Variants in TMEM135 observed in about 807,000 individuals in gnomAD.
The protein encoded by TMEM135 is transmembrane protein 135.
TMEM135 carries 30 observed loss-of-function variants against 60.3 expected under a neutral mutation model. The observed-to-expected ratio is 0.50, with a 90% CI of 0.37 to 0.68. TMEM135 has a LOEUF of 0.68. Ranked by LOEUF, TMEM135 falls within the 30% of genes least tolerant of loss-of-function variation. TMEM135 has a pLI of 0.00. For synonymous variants in TMEM135, 190 were observed against 186.7 expected (o/e 1.02, Z -0.14); for missense variants, 468 against 548.8 (o/e 0.85, Z 1.47).
intron 4 of TMEM135, among the ~76,000 whole-genome samples, chr11:87,097,773 G>A (rs1018665242): frequency 3.3e-5 from 5 of 152,098 alleles, no homozygotes; most frequent in Admixed American, 2.0e-4. Flanking sequence ...AGCTCTTATC[G>A]CTAGATATCT....
chr11:87,316,893 T>A (rs905266533), intron 12 of TMEM135, among the ~76,000 whole-genome samples: 2 of 151,642 alleles, frequency 1.3e-5, no homozygotes, highest in South Asian at 2.1e-4. Context: ...TTTTTTTTTT[T>A]AAATAGGATA....
chr11:87,079,042 CTCACACTCACTGGA>C, intron 3 of TMEM135, among the ~76,000 whole-genome samples: 1 of 151,794 alleles, frequency 6.6e-6, no homozygotes, highest in Admixed American at 6.6e-5. Context: ...CTTGCTCTGT[CTCACACTCACTGGA>C]GTGCAGTGGC....
chr11:87,116,669 T>C (rs1857892237), intron 4 of TMEM135, among the ~76,000 whole-genome samples: 1 of 151,774 alleles, frequency 6.6e-6, no homozygotes, highest in African/African-American at 2.4e-5. Flanking sequence ...ACATATAGTA[T>C]AGGCATACCT....
At chr11:87,105,512 G>C (rs1302819476) in intron 4 of TMEM135, among the ~76,000 whole-genome samples, 1 of 152,092 alleles carries the variant, frequency 6.6e-6, no homozygotes, top group Non-Finnish European at 1.5e-5. Context: ...AAAAGTTGGG[G>C]ACCGCTGGCC....
At chr11:87,053,900 A>G (rs1949866853) in intron 1 of TMEM135, among the ~76,000 whole-genome samples, 1 of 152,034 alleles carries the variant, frequency 6.6e-6, no homozygotes, top group South Asian at 2.1e-4. Flanking sequence ...TGTGATTGAG[A>G]TTTGTGTATT....
At chr11:87,120,116 C>CTTTT (rs57519689) in intron 4 of TMEM135, among the ~76,000 whole-genome samples, 1 of 112,840 alleles carries the variant, frequency 8.9e-6, no homozygotes, top group African/African-American at 3.3e-5. Flanking sequence ...TCTTCTTCTT[C>CTTTT]TTTTTTTTTT....
chr11:87,166,391 C>T lies in TMEM135; in HGVS notation c.462+8985C>T, dbSNP rs534920408. Reference sequence around the variant, plus strand: ...TGAAGTCTTTGCCCATGGCTATGTCCTGAATGGTATTGCTTAGGTTTTCTT... The same window carrying T: ...TGAAGTCTTTGCCCATGGCTATGTCTTGAATGGTATTGCTTAGGTTTTCTT... On this transcript the variant is annotated intron_variant, in intron 5 of 14. Coordinates refer to ENST00000305494, the MANE Select transcript of TMEM135 (RefSeq NM_022918.4). Among the ~76,000 whole-genome samples, 5 of 151,768 alleles carry T rather than the reference C, an allele frequency of 3.3e-5. 1 individual carries two copies. The highest frequency in any genetic ancestry group is 1.2e-4 in the African/African-American group (5 of 41,148).
rs191198246 is a variant in TMEM135, at chr11:87,238,667, A to G, written c.509+1983A>G. 3.4e-3 allele frequency among the ~76,000 whole-genome samples: 516 copies of G among 152,208 alleles called. 2 individuals carry two copies. The highest frequency in any genetic ancestry group is 5.4e-3 in the Admixed American group (83 of 15,270). The stretch of plus-strand genomic sequence containing the variant: ...GAACAATGACTCATTGATTTCTAAA[A>G]ACTTCTTAATTGTATTCAGACACAT... On this transcript the variant is annotated intron_variant, in intron 6 of 14. Transcript: ENST00000305494.
At chr11:87,038,285 T>G in intron 1 of TMEM135, 99 bp downstream of exon 1, 1 of 1,274,070 alleles carries the variant, frequency 7.8e-7, no homozygotes, top group East Asian at 4.3e-5. Flanking sequence ...ACTTGCCTTG[T>G]GTCGGGCTCT....
At chr11:87,116,909 G>A (rs544187433) in intron 4 of TMEM135, among the ~76,000 whole-genome samples, 4 of 151,326 alleles carry the variant, frequency 2.6e-5, no homozygotes, top group South Asian at 4.2e-4. Context: ...TGCAACCTCC[G>A]CCTTTTGGGT....
intron 4 of TMEM135, among the ~76,000 whole-genome samples, chr11:87,145,908 C>A (rs1938401605): frequency 6.6e-6 from 1 of 152,142 alleles, no homozygotes; most frequent in East Asian, 1.9e-4. Context: ...GTTTTCTTTG[C>A]TATGCAGAAG....
rs990012626 is a variant in TMEM135, at chr11:87,134,593, C to T, written c.397-22748C>T. Among the ~76,000 whole-genome samples the T allele has an allele frequency of 3.0e-4, 45 of 152,294 alleles. 1 individual carries two copies. Among genetic ancestry groups the T allele is most frequent in the African/African-American group, 9.6e-4 (40 of 41,568 alleles). Reference sequence around the variant, plus strand: ...AACTCCTGGGCTCAGATGATCCTTTCACCTCAGACTCCTGAGTAGCTGGGA... The same window carrying T: ...AACTCCTGGGCTCAGATGATCCTTTTACCTCAGACTCCTGAGTAGCTGGGA... On this transcript the variant is annotated intron_variant, in intron 4 of 14. Transcript: ENST00000305494.
At chr11:87,188,499 C>T (rs1160109576) in intron 5 of TMEM135, among the ~76,000 whole-genome samples, 3 of 148,724 alleles carry the variant, frequency 2.0e-5, no homozygotes, top group Admixed American at 6.8e-5. Flanking sequence ...GTTAGGAGTT[C>T]GAGACCAGCC....
At chr11:87,151,683 G>T (rs1402287633) in intron 4 of TMEM135, among the ~76,000 whole-genome samples, 1 of 148,994 alleles carries the variant, frequency 6.7e-6, no homozygotes, top group Non-Finnish European at 1.5e-5. Flanking sequence ...CATCTTGTGG[G>T]TCTTTTTTCT....
chr11:87,071,772 A>C (rs966744238), intron 3 of TMEM135, among the ~76,000 whole-genome samples, 157 bp downstream of exon 3: 1 of 151,834 alleles, frequency 6.6e-6, no homozygotes, highest in African/African-American at 2.4e-5. Flanking sequence ...ATTTTATATT[A>C]ATGTTTATAT....
chr11:87,313,444 G>T lies in TMEM135; in HGVS notation c.956G>T (p.Arg319Leu). The T allele has an allele frequency of 6.2e-7, 1 of 1,610,738 alleles. No individual in the cohort carries two copies. Among genetic ancestry groups the T allele is most frequent in the Non-Finnish European group, 8.5e-7 (1 of 1,177,666 alleles). Residue 319 changes from arginine (R) to leucine (L), a missense_variant, in exon 11 of 15, where the codon CGC becomes CTC. Transcript: ENST00000305494. ...AACTAGGGTACTAGTTGCTTCCTGC[G>T]CTGGATCAGAAACTTAGATGATGAA... ...SIYKGTSCFL[R>L]WIRNLDDELH...
intron 13 of TMEM135, 50 bp downstream of exon 13, chr11:87,318,285 G>A: frequency 1.6e-6 from 2 of 1,270,362 alleles, no homozygotes; most frequent in Non-Finnish European, 2.3e-6. Context: ...TGTTTCTAAT[G>A]TACGTTAATC....
chr11:87,307,432 G>A (rs1942569972), intron 9 of TMEM135, among the ~76,000 whole-genome samples: 2 of 151,116 alleles, frequency 1.3e-5, no homozygotes, highest in Admixed American at 1.3e-4. Context: ...CTGATAACCT[G>A]GATTTATTAT....
At chr11:87,273,384 G>T (rs1309945383) in intron 6 of TMEM135, among the ~76,000 whole-genome samples, 1 of 152,026 alleles carries the variant, frequency 6.6e-6, no homozygotes, top group Non-Finnish European at 1.5e-5. Context: ...TATTATACTT[G>T]TCTAGTATCC....
Sources: allele counts gnomAD v4.1 joint callset (sites outside exome capture counted in the v4.1 genomes callset), GRCh38; gene constraint gnomAD v4.1.1; transcripts MANE v1.5; gene names NCBI Gene and HGNC (gene_info 2026-07-23, HGNC 2026-07-21).